The following PTPRD variants were observed in gnomAD, a reference collection of about 807,000 sequenced individuals.
PTPRD encodes receptor-type tyrosine-protein phosphatase delta.
PTPRD carries 34 observed loss-of-function variants against 214.5 expected under a neutral mutation model. That is an observed-to-expected ratio of 0.16 (90% CI 0.12 to 0.21). The LOEUF is 0.21. PTPRD is among the 10% of genes least tolerant of loss of function. PTPRD has a pLI of 1.00. For synonymous variants in PTPRD, 1,128 were observed against 845.7 expected (o/e 1.33, Z -5.79); for missense variants, 2,545 against 2,398.7 (o/e 1.06, Z -1.27).
rs181129182 is a variant in PTPRD, at chr9:8,378,127, T to C, written c.4387-1401A>G. On this transcript the variant is annotated intron_variant, in intron 37 of 45. Transcript: ENST00000381196. ...TTTTGATGAAAACAAACAAAAATTG[T>C]CCACAGTAAGACAAAAATTTTGCCT... is the stretch of plus-strand genomic sequence containing the variant. Among the ~76,000 whole-genome samples the C allele has an allele frequency of 2.8e-4, 42 of 152,192 alleles. No individual in the cohort carries two copies. In the East Asian group the frequency reaches 6.4e-3, roughly 23 times the overall value.
intron 7 of PTPRD, among the ~76,000 whole-genome samples, chr9:9,581,891 C>T (rs560293549): frequency 2.0e-5 from 3 of 152,100 alleles, no homozygotes; most frequent in African/African-American, 7.2e-5. Flanking sequence ...TATTTACCAG[C>T]CACTACTATA....
chr9:8,334,256 T>G (rs150022441), intron 43 of PTPRD, among the ~76,000 whole-genome samples: 1 of 152,092 alleles, frequency 6.6e-6, no homozygotes, highest in East Asian at 1.9e-4. Flanking sequence ...ATTGCACTTA[T>G]TCTAACATTG....
chr9:10,343,007 T>C lies in PTPRD; in HGVS notation c.-599-1990A>G, dbSNP rs563131489. On this transcript the variant is annotated intron_variant, in intron 2 of 45. Coordinates refer to ENST00000381196, the MANE Select transcript of PTPRD (RefSeq NM_002839.4). ...TTTTTATTTTTTATACTTTAAGTTC[T>C]AGGGTACATGTGCACAACGTGCAGT... Among the ~76,000 whole-genome samples, 8 of 152,344 alleles carry C rather than the reference T, an allele frequency of 5.3e-5. No homozygotes were observed. The South Asian group carries it at 1.7e-3, about 32-fold the overall frequency.
chr9:8,508,562 T>C (rs2097587595), intron 21 of PTPRD, among the ~76,000 whole-genome samples: 1 of 149,402 alleles, frequency 6.7e-6, no homozygotes, highest in Non-Finnish European at 1.5e-5. Context: ...TAAATAAGAA[T>C]TCCATTTATA....
In PTPRD at chr9:8,376,682, G is replaced by C; in HGVS notation, c.4431C>G (p.His1477Gln). 6.2e-7 allele frequency: 1 copy of C among 1,613,026 alleles called. No homozygotes were observed. The highest frequency in any genetic ancestry group is 8.5e-7 in the Non-Finnish European group (1 of 1,179,312). The change falls in exon 38 of 46, where the codon CAC becomes CAG. Residue 1477 changes from histidine to glutamine, a missense_variant. By Grantham distance (24) the His-to-Gln change is conservative. Transcript: ENST00000381196. ...QYWPSRGTET[H>Q]GLVQVTLLDT... ...CAAGCAGCGTTACTTGAACGAGTCC[G>C]TGGGTTTCTGTGCCTCTGCTAGGCC...
intron 7 of PTPRD, among the ~76,000 whole-genome samples, chr9:9,655,878 T>A (rs2096498508): frequency 6.6e-6 from 1 of 151,856 alleles, no homozygotes; most frequent in South Asian, 2.1e-4. Flanking sequence ...CTCAGGAGAC[T>A]GAGGTAGGAG....
chr9:10,403,133 G>A (rs568724258), intron 2 of PTPRD, among the ~76,000 whole-genome samples: 1 of 149,066 alleles, frequency 6.7e-6, no homozygotes, highest in Non-Finnish European at 1.5e-5. Flanking sequence ...TTTAATAACT[G>A]AAAAACAAAA....
At chr9:10,292,180 G>T (rs527699281) in intron 3 of PTPRD, among the ~76,000 whole-genome samples, 1 of 151,886 alleles carries the variant, frequency 6.6e-6, no homozygotes, top group Non-Finnish European at 1.5e-5. Context: ...ATTTTCAATT[G>T]CCCAAGTAAA....
chr9:8,949,223 C>CAAAA, intron 11 of PTPRD, among the ~76,000 whole-genome samples: 1 of 54,740 alleles, frequency 1.8e-5, no homozygotes, highest in African/African-American at 5.3e-5. Context: ...GACTCCATCT[C>CAAAA]AAAAAAAGAA....
chr9:8,804,941 G>A (rs982171318), intron 11 of PTPRD, among the ~76,000 whole-genome samples: 2 of 152,134 alleles, frequency 1.3e-5, no homozygotes, highest in African/African-American at 4.8e-5. Flanking sequence ...GAGAATCCTG[G>A]TGAATATACT....
chr9:8,320,618 G>A (rs1421964487), intron 44 of PTPRD, among the ~76,000 whole-genome samples: 1 of 151,918 alleles, frequency 6.6e-6, no homozygotes, highest in African/African-American at 2.4e-5. Flanking sequence ...TTGAGACTTA[G>A]AACTTTCAAC....
chr9:9,967,981 G>A (rs941687154), intron 4 of PTPRD, among the ~76,000 whole-genome samples: 1 of 152,074 alleles, frequency 6.6e-6, no homozygotes, highest in Non-Finnish European at 1.5e-5. Context: ...ATCCACATTA[G>A]AGAAGCTTTT....
intron 39 of PTPRD, among the ~76,000 whole-genome samples, chr9:8,362,069 G>T (rs143458187): frequency 5.1e-4 from 77 of 152,262 alleles, no homozygotes; most frequent in Non-Finnish European, 9.0e-4. Context: ...GACCACCTTG[G>T]GAATTTGTAC....
At chr9:8,763,807 G>A (rs1328217396) in intron 11 of PTPRD, among the ~76,000 whole-genome samples, 1 of 151,882 alleles carries the variant, frequency 6.6e-6, no homozygotes, top group African/African-American at 2.4e-5. Context: ...ATCAAAATGA[G>A]ACCATGAGCA....
chr9:9,354,844 A>G (rs1014470276), intron 9 of PTPRD, among the ~76,000 whole-genome samples: 7 of 151,800 alleles, frequency 4.6e-5, no homozygotes, highest in Admixed American at 3.3e-4. Flanking sequence ...GCATGAAGAT[A>G]TCTGGAGGAA....
At chr9:10,259,059 G>C (rs545795557) in intron 3 of PTPRD, among the ~76,000 whole-genome samples, 1 of 152,136 alleles carries the variant, frequency 6.6e-6, no homozygotes, top group East Asian at 1.9e-4. Context: ...GTCTCACTCT[G>C]TCGCCCAGGC....
chr9:8,855,121 C>T (rs1248379045), intron 11 of PTPRD, among the ~76,000 whole-genome samples: 1 of 68,762 alleles, frequency 1.5e-5, no homozygotes, highest in African/African-American at 5.7e-5. Context: ...GGGGGAATGC[C>T]TACTTGAATT....
At chr9:10,051,535 G>A (rs2097534864) in intron 3 of PTPRD, among the ~76,000 whole-genome samples, 1 of 151,558 alleles carries the variant, frequency 6.6e-6, no homozygotes, top group Non-Finnish European at 1.5e-5. Flanking sequence ...GTGCCATGTT[G>A]GTGTGCTGCA....
At chr9:9,077,972 A>G (rs1305245277) in intron 10 of PTPRD, among the ~76,000 whole-genome samples, 1 of 152,134 alleles carries the variant, frequency 6.6e-6, no homozygotes, top group East Asian at 1.9e-4. Flanking sequence ...AAGAGTGAAT[A>G]AGAAAAAGGA....
Sources: gnomAD v4.1 joint callset for allele counts (sites outside exome capture counted in the v4.1 genomes callset) on GRCh38, gnomAD v4.1.1 for gene constraint, MANE v1.5 for transcripts, NCBI Gene and HGNC (gene_info 2026-07-23, HGNC 2026-07-21) for gene names.